The following CEP112 variants were observed in gnomAD, a reference collection of about 807,000 sequenced individuals.
The protein encoded by CEP112 is centrosomal protein 112, also known as centrosomal protein of 112 kDa.
In CEP112, 127 loss-of-function variants were observed where a neutral mutation model predicts 153.0. The ratio of observed to expected loss-of-function variants is 0.83; its 90% CI spans 0.72 to 0.96. The LOEUF is 0.96. CEP112 is among the 40% of genes least tolerant of loss of function. The pLI, the probability that CEP112 is intolerant of heterozygous loss-of-function variation, is 0.00. For missense variants in CEP112, 1,089 were observed against 1,101.2 expected, an observed-to-expected ratio of 0.99 and a Z score of 0.16; for synonymous variants, 358 against 374.4, an observed-to-expected ratio of 0.96 and a Z score of 0.51.
At chr17:66,186,910 T>C (rs62063614) in intron 1 of CEP112, among the ~76,000 whole-genome samples, 13,041 of 152,252 alleles carry the variant, frequency 0.086, 750 homozygotes, top group Non-Finnish European at 0.13. Context: ...CACCCCAAGA[T>C]GTTATTCCTC....
At chr17:65,826,035 T>C (rs1259275363) in intron 21 of CEP112, 5 of 1,153,470 alleles carry the variant, frequency 4.3e-6, no homozygotes, top group Admixed American at 1.9e-5. Flanking sequence ...TCAAAATTCA[T>C]CTCCTTGAGA....
At chr17:65,987,038 T>C (rs1325383933) in intron 17 of CEP112, among the ~76,000 whole-genome samples, 1 of 152,110 alleles carries the variant, frequency 6.6e-6, no homozygotes, top group African/African-American at 2.4e-5. Context: ...AGTTGGAGAC[T>C]AAAAGCTATT....
At chr17:66,186,299 C>T (rs915355943) in intron 1 of CEP112, among the ~76,000 whole-genome samples, 1 of 151,842 alleles carries the variant, frequency 6.6e-6, no homozygotes, top group Non-Finnish European at 1.5e-5. Context: ...CTTTTCGTTT[C>T]GTTTATTTCT....
At chr17:65,913,414 AC>A (rs2060358434) in intron 19 of CEP112, 1 of 761,292 alleles carries the variant, frequency 1.3e-6, no homozygotes, top group Non-Finnish European at 1.6e-6. Flanking sequence ...GAGTAAAGAT[AC>A]ATTTTAGCAC....
rs559592584 is a variant in CEP112, at chr17:65,709,137, T to C, written c.2608-19919A>G. On this transcript the variant is annotated intron_variant, in intron 23 of 26. Transcript: ENST00000535342. ...AGGTCAAAATAACAATAATCTCCCC[T>C]TTATAGGGAAATAAGCTGCCTGAAC... Among the ~76,000 whole-genome samples the C allele has an allele frequency of 1.1e-3, 173 of 152,274 alleles. 1 individual carries two copies. Among genetic ancestry groups the C allele is most frequent in the African/African-American group, 4.0e-3 (167 of 41,552 alleles).
At chr17:66,044,670 G>A (rs554330170) in intron 12 of CEP112, among the ~76,000 whole-genome samples, 19 of 152,258 alleles carry the variant, frequency 1.2e-4, no homozygotes, top group East Asian at 3.9e-4. Flanking sequence ...GGTCAAATTC[G>A]TAAGAGACTA....
chr17:65,897,144 G>A lies in CEP112; in HGVS notation c.2163+5008C>T, dbSNP rs552187991. Among the ~76,000 whole-genome samples the A allele has an allele frequency of 1.2e-4, 18 of 151,988 alleles. No homozygotes were observed. In the East Asian group the frequency reaches 3.5e-3, roughly 29 times the overall value. ...CCATGTGTGTCACTAGGGAGAAGAG[G>A]GGAACAAAAAACAGGGTTACATTAA... On this transcript the variant is annotated intron_variant, in intron 20 of 26. Transcript: ENST00000535342.
At chr17:66,106,743 C>G (rs887681102) in intron 6 of CEP112, among the ~76,000 whole-genome samples, 66 of 151,992 alleles carry the variant, frequency 4.3e-4, no homozygotes, top group African/African-American at 1.2e-3. Flanking sequence ...CAATCCTACT[C>G]AAACTATTCC....
intron 19 of CEP112, among the ~76,000 whole-genome samples, chr17:65,908,468 G>A (rs1359129807): frequency 6.6e-6 from 1 of 152,114 alleles, no homozygotes; most frequent in Non-Finnish European, 1.5e-5. Context: ...GGCTGAGCCG[G>A]GCGGATCATC....
intron 21 of CEP112, among the ~76,000 whole-genome samples, chr17:65,776,063 C>T (rs1007728540): frequency 1.3e-5 from 2 of 152,176 alleles, no homozygotes; most frequent in Non-Finnish European, 2.9e-5. Flanking sequence ...ACCTCTGAGG[C>T]CAACCAATCG....
chr17:65,872,734 C>G (rs1376772354), intron 20 of CEP112, among the ~76,000 whole-genome samples: 2 of 152,118 alleles, frequency 1.3e-5, no homozygotes, highest in African/African-American at 4.8e-5. Context: ...TTTAAAATAG[C>G]TTTGTGAATT....
intron 21 of CEP112, among the ~76,000 whole-genome samples, chr17:65,845,723 T>A (rs2057704218): frequency 1.3e-5 from 2 of 152,234 alleles, no homozygotes; most frequent in South Asian, 4.1e-4. Flanking sequence ...TGTTCTTTAA[T>A]TTTTCAAAAG....
chr17:65,955,624 C>T (rs2061976810), intron 18 of CEP112, among the ~76,000 whole-genome samples: 1 of 152,080 alleles, frequency 6.6e-6, no homozygotes, highest in African/African-American at 2.4e-5. Flanking sequence ...CACATAAGGA[C>T]TCACATAAAC....
At chr17:65,647,576 A>T (rs959895542) in intron 24 of CEP112, among the ~76,000 whole-genome samples, 10 of 150,438 alleles carry the variant, frequency 6.6e-5, no homozygotes, top group African/African-American at 2.2e-4. Context: ...CCCGAGGCTC[A>T]AGTGATCCTC....
chr17:66,102,682 T>C (rs375136014), intron 6 of CEP112, among the ~76,000 whole-genome samples: 7 of 150,090 alleles, frequency 4.7e-5, no homozygotes, highest in Non-Finnish European at 8.9e-5. Flanking sequence ...CCTGTAGTCC[T>C]AGCTACTCGG....
chr17:66,131,725 C>T (rs1017893047), intron 5 of CEP112, among the ~76,000 whole-genome samples: 10 of 151,596 alleles, frequency 6.6e-5, no homozygotes, highest in Non-Finnish European at 7.4e-5. Context: ...CCAGCCTGGG[C>T]GACAGAGCAA....
chr17:65,694,112 G>C (rs1840893777), intron 23 of CEP112, among the ~76,000 whole-genome samples: 2 of 152,160 alleles, frequency 1.3e-5, no homozygotes, highest in Admixed American at 6.5e-5. Flanking sequence ...CAGTGGGTCT[G>C]AACAGTGGGG....
At chr17:66,169,409 G>C (rs575208286) in intron 4 of CEP112, among the ~76,000 whole-genome samples, 4 of 149,460 alleles carry the variant, frequency 2.7e-5, no homozygotes, top group African/African-American at 4.9e-5. Context: ...TCGGCCTCCC[G>C]AGTAGCTGGG....
chr17:65,718,468 G>A (rs548126015), intron 23 of CEP112, among the ~76,000 whole-genome samples: 2 of 151,554 alleles, frequency 1.3e-5, no homozygotes, highest in East Asian at 3.9e-4. Flanking sequence ...TGGGGTTTTT[G>A]CAAAGTACCT....
Sources: allele counts gnomAD v4.1 joint callset (sites outside exome capture counted in the v4.1 genomes callset), GRCh38; gene constraint gnomAD v4.1.1; transcripts MANE v1.5; gene names NCBI Gene and HGNC (gene_info 2026-07-23, HGNC 2026-07-21).